The following MAPT variants were observed in gnomAD, a reference collection of about 807,000 sequenced individuals.
MAPT encodes microtubule associated protein tau.
A neutral mutation model predicts 67.9 loss-of-function variants in MAPT; 34 were observed. The ratio of observed to expected loss-of-function variants is 0.50; its 90% confidence interval spans 0.38 to 0.67. The LOEUF is 0.67. Among genes scored for constraint, MAPT ranks in the 30% least tolerant of loss-of-function variants. MAPT has a pLI of 0.00. For missense variants in MAPT, 881 were observed against 1,115.2 expected, an observed-to-expected ratio of 0.79 and a Z score of 2.99; for synonymous variants, 456 against 464.5, an observed-to-expected ratio of 0.98 and a Z score of 0.23.
At chr17:45,946,615 A>AAAAAAAAAAAAT in intron 1 of MAPT, among the ~76,000 whole-genome samples, 2 of 100,408 alleles carry the variant, frequency 2.0e-5, no homozygotes, top group African/African-American at 8.7e-5. Flanking sequence ...AAAAAAAAAA[A>AAAAAAAAAAAAT]ATATATATAT....
intron 1 of MAPT, among the ~76,000 whole-genome samples, chr17:45,926,344 T>C (rs974997275): frequency 5.3e-5 from 8 of 152,224 alleles, no homozygotes; most frequent in African/African-American, 1.9e-4. Context: ...GGTCTCACTC[T>C]GTTGCCCAGG....
Position 45,994,023 on chromosome 17 carries a change from G to A in MAPT, c.1733-2376G>A, listed in dbSNP as rs781157566. 2.6e-6 allele frequency: 4 copies of A among 1,522,476 alleles called. No homozygotes were observed. The South Asian group carries it at 4.9e-5, about 18-fold the overall frequency. 94.3% of individuals were successfully genotyped at this position (1,522,476 alleles called of 1,614,324 possible). Reference sequence around the variant, plus strand: ...CTGGGAGCAGCCTCCCTTTGCGTGTGTGGCCATTCACTGGCTTGTGTTTCT... The same window carrying A: ...CTGGGAGCAGCCTCCCTTTGCGTGTATGGCCATTCACTGGCTTGTGTTTCT... On this transcript the variant is annotated intron_variant, in intron 8 of 12. Coordinates refer to ENST00000262410, the MANE Select transcript of MAPT (RefSeq NM_001377265.1).
intron 1 of MAPT, among the ~76,000 whole-genome samples, chr17:45,903,763 T>A (rs1468013043): frequency 5.9e-4 from 54 of 91,958 alleles, no homozygotes; most frequent in African/African-American, 1.6e-3. Flanking sequence ...ATATTTTTTT[T>A]ATATATATAA....
intron 1 of MAPT, among the ~76,000 whole-genome samples, chr17:45,951,427 A>G (rs1021343622): frequency 6.6e-6 from 1 of 152,122 alleles, no homozygotes; most frequent in African/African-American, 2.4e-5. Context: ...CAGTGATTGG[A>G]TTTATGATTC....
intron 1 of MAPT, among the ~76,000 whole-genome samples, chr17:45,941,056 T>C (rs1009351903): frequency 2.0e-5 from 3 of 152,130 alleles, no homozygotes; most frequent in Non-Finnish European, 2.9e-5. Context: ...TTCCTTGTTC[T>C]AGCCAGCCAG....
intron 1 of MAPT, among the ~76,000 whole-genome samples, chr17:45,909,421 TAGA>T (rs1428796396): frequency 6.6e-6 from 1 of 152,162 alleles, no homozygotes; most frequent in Non-Finnish European, 1.5e-5. Flanking sequence ...CTGGACTAAT[TAGA>T]AGGTCAGTCC....
chr17:46,008,176 A>G (rs1424021958), intron 9 of MAPT, among the ~76,000 whole-genome samples: 1 of 152,208 alleles, frequency 6.6e-6, no homozygotes, highest in Non-Finnish European at 1.5e-5. Flanking sequence ...AGCTCACTGC[A>G]ACCTCCATCT....
rs1568133279 is a variant in MAPT at position 45,903,952 on chromosome 17, T to TTATATATTATATATTTATATATAA, written c.-18+9281_-18+9282insTATATATAATATATATTATATATT. Reference sequence around the variant, plus strand: ...ATTATATATTTATATATAATATATATTATATATTATATATTATATATTATA... The same window carrying TTATATATTATATATTTATATATAA: ...ATTATATATTTATATATAATATATATTATATATTATATATTTATATATAATATATATTATATATTATATATTATA... On this transcript the variant is annotated intron_variant, in intron 1 of 12. Transcript: ENST00000262410. Among the ~76,000 whole-genome samples the TTATATATTATATATTTATATATAA allele has an allele frequency of 8.5e-3, 112 of 13,172 alleles. 3 individuals carry two copies. The highest frequency in any genetic ancestry group is 0.012 in the African/African-American group (40 of 3,420). The allele number at this position is 13,172 out of a possible 152,430, so 8.6% of individuals were successfully genotyped here.
intron 1 of MAPT, among the ~76,000 whole-genome samples, chr17:45,954,771 G>A (rs1467716725): frequency 2.0e-5 from 3 of 152,102 alleles, no homozygotes; most frequent in Admixed American, 2.0e-4. Flanking sequence ...ACGAGGCCAG[G>A]AGATCGAGAC....
chr17:45,982,214 C>T (rs902494969), intron 4 of MAPT, among the ~76,000 whole-genome samples: 5 of 151,118 alleles, frequency 3.3e-5, no homozygotes, highest in Admixed American at 3.3e-4. Context: ...CCCAGTTACT[C>T]GGGAGGCTGA....
chr17:46,014,870 G>A (rs1306429486), intron 11 of MAPT, among the ~76,000 whole-genome samples: 3 of 114,030 alleles, frequency 2.6e-5, no homozygotes, highest in Non-Finnish European at 6.9e-5. Flanking sequence ...GCGACAGAGC[G>A]AGACTCCGTC....
Position 45,971,401 on chromosome 17 carries a change from C to A in MAPT, c.134-458C>A, listed in dbSNP as rs183017869. Among the ~76,000 whole-genome samples the A allele has an allele frequency of 6.6e-6, 1 of 152,286 alleles. No homozygotes were observed. Among genetic ancestry groups the A allele is most frequent in the Admixed American group, 6.5e-5 (1 of 15,300 alleles). The stretch of plus-strand genomic sequence containing the variant: ...CCAATGTCCACTTAGAAGTAAGCAC[C>A]GTGTCTGCCCTGAGCTGACTCCTTT... On this transcript the variant is annotated intron_variant, in intron 2 of 12. Coordinates refer to ENST00000262410, the MANE Select transcript of MAPT (RefSeq NM_001377265.1). This position sits in a 1 kb window ranked among gnomAD's most constrained non-coding sequence, Gnocchi z 4.3.
intron 2 of MAPT, among the ~76,000 whole-genome samples, chr17:45,966,007 C>A (rs2071039165): frequency 6.6e-6 from 1 of 152,224 alleles, no homozygotes; most frequent in Non-Finnish European, 1.5e-5. Flanking sequence ...CTCTTTCCAC[C>A]AAGCTCCCTT....
At chr17:45,998,304 G>A (rs1193738753) in intron 9 of MAPT, among the ~76,000 whole-genome samples, 1 of 151,946 alleles carries the variant, frequency 6.6e-6, no homozygotes, top group Non-Finnish European at 1.5e-5. Flanking sequence ...ACATCCCATC[G>A]GGATGGAAAT....
At chr17:45,973,767 G>A (rs2071989027) in intron 3 of MAPT, 1 of 153,208 alleles carries the variant, frequency 6.5e-6, no homozygotes, top group South Asian at 2.1e-4. Context: ...CTGCTGTGAA[G>A]GTGGACCCAT....
At chr17:45,937,559 C>G (rs1265568955) in intron 1 of MAPT, among the ~76,000 whole-genome samples, 33 of 149,808 alleles carry the variant, frequency 2.2e-4, no homozygotes, top group Non-Finnish European at 1.5e-5. Context: ...CCACTGCACT[C>G]CAGCCTGGGC....
At chr17:45,918,820 G>A (rs970823643) in intron 1 of MAPT, among the ~76,000 whole-genome samples, 1 of 152,210 alleles carries the variant, frequency 6.6e-6, no homozygotes, top group Non-Finnish European at 1.5e-5. Context: ...CATTTTGGGA[G>A]GCCAAGGCCG....
At chr17:45,994,045 T>A in intron 8 of MAPT, 3 of 1,468,770 alleles carry the variant, frequency 2.0e-6, no homozygotes, top group Non-Finnish European at 2.8e-6. Context: ...TGGCTTGTGT[T>A]TCTAGAGCCG....
chr17:45,926,552 A>G (rs1032392033), intron 1 of MAPT, among the ~76,000 whole-genome samples: 9 of 152,244 alleles, frequency 5.9e-5, no homozygotes, highest in East Asian at 1.9e-4. Flanking sequence ...GGCTCAAGCT[A>G]TCCTCCCACC....
Sources: gnomAD v4.1 joint callset for allele counts (sites outside exome capture counted in the v4.1 genomes callset) on GRCh38, gnomAD v4.1.1 for gene constraint, Gnocchi (gnomAD v3.1) non-coding constraint, MANE v1.5 for transcripts, NCBI Gene and HGNC (gene_info 2026-07-23, HGNC 2026-07-21) for gene names.